Variants in HECTD2 observed in about 807,000 individuals in gnomAD.
The protein encoded by HECTD2 is HECT domain E3 ubiquitin protein ligase 2.
A neutral mutation model predicts 103.2 loss-of-function variants in HECTD2; 35 were observed. That is an observed-to-expected ratio of 0.34 (90% CI 0.26 to 0.45). The LOEUF (loss-of-function observed/expected upper bound fraction) is 0.45, where lower values mean the gene tolerates loss of function less well. HECTD2 is among the 20% of genes least tolerant of loss of function. The pLI is 1.00. For synonymous variants in HECTD2, 281 were observed against 329.9 expected (o/e 0.85, Z 1.61); for missense variants, 596 against 937.4 (o/e 0.64, Z 4.76).
At chr10:91,413,053 G>T (rs1299223620) in intron 1 of HECTD2, among the ~76,000 whole-genome samples, 1 of 152,052 alleles carries the variant, frequency 6.6e-6, no homozygotes, top group African/African-American at 2.4e-5. Flanking sequence ...CCAGCCTAAT[G>T]GTTCTGCCTG....
At chr10:91,502,556 C>T (rs1846946115) in intron 20 of HECTD2, among the ~76,000 whole-genome samples, 1 of 151,858 alleles carries the variant, frequency 6.6e-6, no homozygotes, top group Non-Finnish European at 1.5e-5. Context: ...GCTATTTCTT[C>T]AATAGTATTT....
intron 2 of HECTD2, among the ~76,000 whole-genome samples, chr10:91,445,603 G>C (rs995145725): frequency 1.3e-5 from 2 of 152,068 alleles, no homozygotes. Flanking sequence ...CAAGTCAGCC[G>C]AATAGGAACA....
intron 1 of HECTD2, among the ~76,000 whole-genome samples, chr10:91,421,599 G>A (rs1436452731): frequency 6.6e-6 from 1 of 152,332 alleles, no homozygotes; most frequent in South Asian, 2.1e-4. Context: ...CACCCTGGGG[G>A]CTGTGGGTTG....
At chr10:91,469,919 T>C (rs1845665347) in intron 5 of HECTD2, among the ~76,000 whole-genome samples, 1 of 152,136 alleles carries the variant, frequency 6.6e-6, no homozygotes, top group Non-Finnish European at 1.5e-5. Context: ...GCAGGGATTG[T>C]TATTGCAACT....
chr10:91,505,187 A>G (rs1486931317), intron 20 of HECTD2, among the ~76,000 whole-genome samples: 7 of 152,094 alleles, frequency 4.6e-5, no homozygotes, highest in East Asian at 1.9e-4. Flanking sequence ...TGTAAAGACC[A>G]TCGAGACTAG....
At chr10:91,430,455 A>G (rs1230513118) in intron 2 of HECTD2, among the ~76,000 whole-genome samples, 1 of 152,106 alleles carries the variant, frequency 6.6e-6, no homozygotes, top group African/African-American at 2.4e-5. Flanking sequence ...TGTTTCGTTG[A>G]TCTGTCTAAT....
intron 2 of HECTD2, among the ~76,000 whole-genome samples, chr10:91,449,643 A>G (rs1589493918): frequency 6.6e-6 from 1 of 152,228 alleles, no homozygotes; most frequent in African/African-American, 2.4e-5. Flanking sequence ...AGAAAAGTCC[A>G]TCCTCTCAGC....
rs200459408 is a variant in HECTD2 at position 91,439,925 on chromosome 10, C to T, written c.268+14515C>T. Among the ~76,000 whole-genome samples, 452 of 152,118 alleles carry T rather than the reference C, an allele frequency of 3.0e-3. 3 individuals carry two copies. The highest frequency in any genetic ancestry group is 0.01 in the African/African-American group (426 of 41,554). On this transcript the variant is annotated intron_variant, in intron 2 of 20. Coordinates refer to ENST00000298068, the MANE Select transcript of HECTD2 (RefSeq NM_182765.6). Reference sequence around the variant, plus strand: ...TAGGAATGCTTGTGATTTTTGCACACTGATTTTGTATCCTGAGACTTTGCT... The same window carrying T: ...TAGGAATGCTTGTGATTTTTGCACATTGATTTTGTATCCTGAGACTTTGCT...
At chr10:91,453,924 C>G (rs749572469) in intron 2 of HECTD2, among the ~76,000 whole-genome samples, 20 of 151,988 alleles carry the variant, frequency 1.3e-4, no homozygotes, top group Non-Finnish European at 2.4e-4. Flanking sequence ...ACAAAGAAAA[C>G]TCATGGAGAC....
chr10:91,510,450 AT>A (rs1253443150), intron 20 of HECTD2, among the ~76,000 whole-genome samples: 1 of 152,160 alleles, frequency 6.6e-6, no homozygotes, highest in African/African-American at 2.4e-5. Context: ...TCCTGGACAC[AT>A]TTTTTCTTCA....
chr10:91,423,151 C>T (rs1231066122), intron 1 of HECTD2, among the ~76,000 whole-genome samples: 2 of 152,118 alleles, frequency 1.3e-5, no homozygotes, highest in African/African-American at 4.8e-5. Flanking sequence ...CGTACTGTCA[C>T]ATGTTAAGCC....
chr10:91,484,549 G>C lies in HECTD2; in HGVS notation c.864G>C (p.Leu288=). 6.2e-7 allele frequency: 1 copy of C among 1,611,772 alleles called. No individual in the cohort carries two copies. Among genetic ancestry groups the C allele is most frequent in the Non-Finnish European group, 8.5e-7 (1 of 1,178,560 alleles). ...TCAAACAATTGGTAGAGAGATTGCTGCAATTTATTTCTTTACGCCTGTTTC... is the reference window on the plus strand; with the variant it reads ...TCAAACAATTGGTAGAGAGATTGCTCCAATTTATTTCTTTACGCCTGTTTC... ...KRFKQLVERL[L]QFISLRLFPA... is the part of the protein sequence containing the mutation. The change falls in exon 9 of 21, where the codon CTG becomes CTC. Residue 288 remains leucine (L), a synonymous_variant. Coordinates refer to ENST00000298068, the MANE Select transcript of HECTD2 (RefSeq NM_182765.6).
intron 2 of HECTD2, among the ~76,000 whole-genome samples, chr10:91,437,619 C>CTTTTTTTTTTTTTTTTTTTGTTTTTTT (rs1844179173): frequency 3.4e-5 from 3 of 87,394 alleles, no homozygotes; most frequent in African/African-American, 6.6e-5. Context: ...GATGGTTGTT[C>CTTTTTTTTTTTTTTTTTTTGTTTTTTT]TTTTTTTTTT....
At chr10:91,412,481 A>ATTTTTGTT in intron 1 of HECTD2, among the ~76,000 whole-genome samples, 1 of 149,758 alleles carries the variant, frequency 6.7e-6, no homozygotes. Flanking sequence ...TTTGAGACGG[A>ATTTTTGTT]GTCTTGCTCT....
chr10:91,417,669 T>C (rs985812781), intron 1 of HECTD2, among the ~76,000 whole-genome samples: 1 of 152,064 alleles, frequency 6.6e-6, no homozygotes, highest in African/African-American at 2.4e-5. Flanking sequence ...TCCAGCTTCA[T>C]CCATGTCCCT....
chr10:91,492,357 C>T lies in HECTD2; in HGVS notation c.1305C>T (p.Thr435=). 1 of 1,612,140 alleles carries T rather than the reference C, an allele frequency of 6.2e-7. No individual in the cohort carries two copies. The highest frequency in any genetic ancestry group is 1.1e-5 in the South Asian group (1 of 90,998). ...TGTATAATATCTTCAAATAGCTAAC[C>T]CGGAAAAGAGCCGATTTGAAAAAGA... ...HLVSDSLDEL[T]RKRADLKKKL... The change falls in exon 13 of 21, where the codon ACC becomes ACT. Residue 435 remains threonine, a synonymous_variant. Transcript: ENST00000298068.
chr10:91,412,353 G>A (rs187404689), intron 1 of HECTD2, among the ~76,000 whole-genome samples: 7 of 152,026 alleles, frequency 4.6e-5, no homozygotes, highest in Admixed American at 4.6e-4. Flanking sequence ...ACTAGACAAA[G>A]AGAAGAATAT....
chr10:91,498,597 G>T (rs141201903), intron 16 of HECTD2, among the ~76,000 whole-genome samples: 1 of 152,092 alleles, frequency 6.6e-6, no homozygotes, highest in African/African-American at 2.4e-5. Context: ...CCAGGGACCC[G>T]CTGTGTATTA....
At chr10:91,445,143 A>G (rs1414427632) in intron 2 of HECTD2, among the ~76,000 whole-genome samples, 1 of 152,196 alleles carries the variant, frequency 6.6e-6, no homozygotes, top group Non-Finnish European at 1.5e-5. Flanking sequence ...CTCGTTGGAA[A>G]CTTGGAAAAT....
Sources: allele counts gnomAD v4.1 joint callset (sites outside exome capture counted in the v4.1 genomes callset), GRCh38; gene constraint gnomAD v4.1.1; transcripts MANE v1.5; gene names NCBI Gene and HGNC (gene_info 2026-07-23, HGNC 2026-07-21).